PITPNC1: variants seen among roughly 807,000 people sequenced by gnomAD.
PITPNC1 encodes the protein phosphatidylinositol transfer protein cytoplasmic 1, also known as cytoplasmic phosphatidylinositol transfer protein 1.
Under a neutral mutation model 44.7 loss-of-function variants are expected in PITPNC1, and 18 were observed. The observed-to-expected ratio is 0.40, with a 90% CI of 0.28 to 0.60. The LOEUF is 0.60. Among genes scored for constraint, PITPNC1 ranks in the 20% least tolerant of loss-of-function variants. PITPNC1 has a pLI of 0.39. For synonymous variants in PITPNC1, 141 were observed against 149.6 expected (o/e 0.94, Z 0.42); for missense variants, 290 against 418.4 (o/e 0.69, Z 2.68).
chr17:67,447,875 T>C (rs1466879108), intron 1 of PITPNC1, among the ~76,000 whole-genome samples: 3 of 147,396 alleles, frequency 2.0e-5, no homozygotes, highest in African/African-American at 8.1e-5. Context: ...TCTCTCTGTC[T>C]CTGGGATCCC....
chr17:67,591,872 G>A (rs900962102), intron 5 of PITPNC1, among the ~76,000 whole-genome samples: 12 of 150,130 alleles, frequency 8.0e-5, no homozygotes, highest in Non-Finnish European at 1.5e-4. Flanking sequence ...ACCATGCCCA[G>A]CTAATTTTTT....
chr17:67,404,017 A>G (rs1018197296), intron 1 of PITPNC1, among the ~76,000 whole-genome samples: 2 of 152,198 alleles, frequency 1.3e-5, no homozygotes, highest in Non-Finnish European at 2.9e-5. Flanking sequence ...GCCAGGCTCC[A>G]TCTCAAAACA....
Position 67,692,946 on chromosome 17 carries a change from T to TC in PITPNC1, c.*58_*59insC. On this transcript the variant is annotated 3_prime_UTR_variant, in exon 9 of 9. Transcript: ENST00000581322. ...TTCATTTGTTGTTGTTGTTTTTTTTTAAGAATCTTCTGATAGAGAAAAAGA... is the reference window on the plus strand; with the variant it reads ...TTCATTTGTTGTTGTTGTTTTTTTTTCAAGAATCTTCTGATAGAGAAAAAGA... 2 of 1,153,414 alleles carry TC rather than the reference T, an allele frequency of 1.7e-6. No individual in the cohort carries two copies. The highest frequency in any genetic ancestry group is 2.5e-6 in the Non-Finnish European group (2 of 797,774). The allele number at this position is 1,153,414 out of a possible 1,614,324, so 71.4% of individuals were successfully genotyped here. A position where few individuals can be genotyped will look rare whatever the true frequency, so the allele number is the denominator to read the frequency against.
At chr17:67,392,729 T>C (rs2038156368) in intron 1 of PITPNC1, among the ~76,000 whole-genome samples, 1 of 152,160 alleles carries the variant, frequency 6.6e-6, no homozygotes, top group Non-Finnish European at 1.5e-5. Flanking sequence ...GAAATAAACA[T>C]ATTGTCACCT....
intron 1 of PITPNC1, among the ~76,000 whole-genome samples, chr17:67,392,557 T>A (rs973481789): frequency 1.3e-5 from 2 of 152,164 alleles, no homozygotes; most frequent in African/African-American, 2.4e-5. Context: ...ATAAATATTT[T>A]AAAATTTAAC....
chr17:67,632,546 C>A, intron 6 of PITPNC1: 4 of 272,094 alleles, frequency 1.5e-5, no homozygotes, highest in Non-Finnish European at 2.0e-5. Flanking sequence ...TGAAAAACAA[C>A]AGTCTCCCCA....
At chr17:67,467,058 T>A (rs1368919342) in intron 1 of PITPNC1, among the ~76,000 whole-genome samples, 1 of 145,356 alleles carries the variant, frequency 6.9e-6, no homozygotes, top group African/African-American at 2.5e-5. Flanking sequence ...TAGGAGATTT[T>A]TTTTTTTTTT....
chr17:67,656,868 G>T (rs1442770909), intron 6 of PITPNC1, among the ~76,000 whole-genome samples: 1 of 152,094 alleles, frequency 6.6e-6, no homozygotes, highest in African/African-American at 2.4e-5. Context: ...TTTGAATCAG[G>T]CCCAAAACAC....
At chr17:67,543,724 C>G (rs2040638971) in intron 2 of PITPNC1, among the ~76,000 whole-genome samples, 1 of 152,122 alleles carries the variant, frequency 6.6e-6, no homozygotes, top group African/African-American at 2.4e-5. Context: ...TGTGGGGTTG[C>G]TTCATCTTCT....
rs928743858 is a variant in PITPNC1 at position 67,508,965 on chromosome 17, G to A, written c.49-23837G>A. Reference sequence around the variant, plus strand: ...AAAATAAAAACAGGCCGGGCTTGGTGGCTCACGTCTGTAATCCCAGCACTT... The same window carrying A: ...AAAATAAAAACAGGCCGGGCTTGGTAGCTCACGTCTGTAATCCCAGCACTT... On this transcript the variant is annotated intron_variant, in intron 1 of 8. Transcript: ENST00000581322. This position sits in a 1 kb window ranked among gnomAD's most constrained non-coding sequence, Gnocchi z 4.2. Among the ~76,000 whole-genome samples the A allele has an allele frequency of 6.6e-6, 1 of 152,220 alleles. No individual in the cohort carries two copies.
In PITPNC1 at chr17:67,451,416, T is replaced by G. The variant is rs187339600; in HGVS notation, c.48+73214T>G. Among the ~76,000 whole-genome samples, 1,062 of 152,198 alleles carry G rather than the reference T, an allele frequency of 7.0e-3. 47 individuals are homozygous for G. Among genetic ancestry groups the G allele is most frequent in the Admixed American group, 0.055 (833 of 15,272 alleles). On this transcript the variant is annotated intron_variant, in intron 1 of 8. Transcript: ENST00000581322. ...CAGTAAAACAACAAAAGCTCTTAAG[T>G]TTTAGTAAATCCATACATCTGTGCA...
At chr17:67,609,122 G>A (rs528629896) in intron 5 of PITPNC1, among the ~76,000 whole-genome samples, 3 of 147,338 alleles carry the variant, frequency 2.0e-5, no homozygotes, top group East Asian at 2.1e-4. Context: ...TCAGCCTCCC[G>A]AAGTGCTGGG....
At chr17:67,571,512 G>A (rs2041057158) in intron 4 of PITPNC1, among the ~76,000 whole-genome samples, 2 of 152,238 alleles carry the variant, frequency 1.3e-5, no homozygotes, top group East Asian at 3.8e-4. Context: ...TGGAACCCAG[G>A]CTAGCTGGGT....
intron 1 of PITPNC1, chr17:67,456,895 T>C (rs1490260448): frequency 6.6e-6 from 1 of 152,228 alleles, no homozygotes; most frequent in Non-Finnish European, 1.5e-5. Context: ...CATCTTTCAA[T>C]GACTCTCTTT....
intron 1 of PITPNC1, among the ~76,000 whole-genome samples, chr17:67,481,783 A>AAG (rs2039706996): frequency 6.6e-6 from 1 of 152,072 alleles, no homozygotes; most frequent in Admixed American, 6.5e-5. Context: ...GATTTAAAAA[A>AAG]AAAAAAAGGA....
intron 1 of PITPNC1, among the ~76,000 whole-genome samples, chr17:67,524,031 T>C (rs1232828837): frequency 1.3e-5 from 2 of 151,964 alleles, no homozygotes; most frequent in African/African-American, 2.4e-5. Context: ...AGGCTAGTCT[T>C]GAACTCCTGA....
intron 1 of PITPNC1, among the ~76,000 whole-genome samples, chr17:67,407,918 A>G (rs931576489): frequency 3.9e-5 from 6 of 152,168 alleles, no homozygotes; most frequent in African/African-American, 1.2e-4. Flanking sequence ...TGAAAACCCA[A>G]TCGCTGTGCT....
intron 1 of PITPNC1, among the ~76,000 whole-genome samples, chr17:67,490,617 G>A (rs1158319933): frequency 2.0e-5 from 3 of 152,058 alleles, no homozygotes; most frequent in Admixed American, 6.6e-5. Flanking sequence ...AGTTTCTGGT[G>A]TCCCAGAAGA....
Position 67,398,075 on chromosome 17 carries a change from A to G in PITPNC1, c.48+19873A>G, listed in dbSNP as rs1171274658. ...GCCACTGCACTCCAGCCTGGGCGAC[A>G]GAGCGAGACTCCGTCTCCAAAAAAA... On this transcript the variant is annotated intron_variant, in intron 1 of 8. Coordinates refer to ENST00000581322, the MANE Select transcript of PITPNC1 (RefSeq NM_012417.4). Among the ~76,000 whole-genome samples the G allele has an allele frequency of 3.3e-5, 5 of 149,606 alleles. No homozygotes were observed. In the East Asian group the frequency reaches 9.7e-4, roughly 29 times the overall value.
Sources: gnomAD v4.1 joint callset for allele counts (sites outside exome capture counted in the v4.1 genomes callset) on GRCh38, gnomAD v4.1.1 for gene constraint, Gnocchi (gnomAD v3.1) non-coding constraint, MANE v1.5 for transcripts, NCBI Gene and HGNC (gene_info 2026-07-23, HGNC 2026-07-21) for gene names.